EML6: variants seen among roughly 807,000 people sequenced by gnomAD.
EML6 encodes the protein EMAP like 6.
A neutral mutation model predicts 240.1 loss-of-function variants in EML6; 154 were observed. The ratio of observed to expected loss-of-function variants is 0.64; its 90% CI spans 0.56 to 0.73. The LOEUF is 0.73. EML6 is among the 30% of genes least tolerant of loss of function. The pLI, the probability that EML6 is intolerant of heterozygous loss-of-function variation, is 0.00. For synonymous variants in EML6, 1,148 were observed against 899.0 expected (o/e 1.28, Z -4.95); for missense variants, 2,964 against 2,474.6 (o/e 1.20, Z -4.20).
chr2:54,866,538 TAAGAA>T (rs1207244162), intron 13 of EML6, among the ~76,000 whole-genome samples: 1 of 152,194 alleles, frequency 6.6e-6, no homozygotes, highest in Non-Finnish European at 1.5e-5. Context: ...TTCTAGACAT[TAAGAA>T]AACAGTAACA....
At chr2:54,737,077 A>G (rs168507) in intron 2 of EML6, among the ~76,000 whole-genome samples, 51,782 of 152,036 alleles carry the variant, frequency 0.34, 9,100 homozygotes, top group East Asian at 0.57. Flanking sequence ...ACAATTGGTG[A>G]AATTTGAATG....
At chr2:54,790,756 C>A (rs755072200) in intron 2 of EML6, among the ~76,000 whole-genome samples, 1 of 134,908 alleles carries the variant, frequency 7.4e-6, no homozygotes, top group East Asian at 2.5e-4. Context: ...GACGGAGTTA[C>A]GCTCTGTCGC....
intron 39 of EML6, among the ~76,000 whole-genome samples, chr2:54,967,439 G>T (rs572353917): frequency 2.0e-5 from 3 of 152,182 alleles, no homozygotes; most frequent in African/African-American, 7.2e-5. Flanking sequence ...AAGGGAGTGG[G>T]AGGGCCAGAC....
chr2:54,854,861 T>C (rs1312109997), intron 11 of EML6, among the ~76,000 whole-genome samples: 1 of 152,230 alleles, frequency 6.6e-6, no homozygotes, highest in East Asian at 1.9e-4. Context: ...ATAGGGCATA[T>C]CTTGTTAGAT....
At chr2:54,804,013 G>A (rs896811695) in intron 2 of EML6, among the ~76,000 whole-genome samples, 2 of 152,226 alleles carry the variant, frequency 1.3e-5, no homozygotes, top group African/African-American at 4.8e-5. Flanking sequence ...TTGGTGTGGT[G>A]TAATATTAGG....
chr2:54,862,142 G>A (rs531710174), intron 12 of EML6, among the ~76,000 whole-genome samples: 2 of 151,816 alleles, frequency 1.3e-5, no homozygotes, highest in South Asian at 4.2e-4. Flanking sequence ...TTGAACACCA[G>A]CCTGGCCAAC....
intron 16 of EML6, among the ~76,000 whole-genome samples, chr2:54,877,413 T>G (rs1216938346): frequency 6.6e-6 from 1 of 152,174 alleles, no homozygotes; most frequent in East Asian, 1.9e-4. Context: ...AAAACTTGAT[T>G]AGTGTGATAC....
At chr2:54,929,128 T>TGG (rs1396727117) in intron 28 of EML6, among the ~76,000 whole-genome samples, 2 of 152,202 alleles carry the variant, frequency 1.3e-5, no homozygotes, top group African/African-American at 4.8e-5. Context: ...TCTGAGGTCA[T>TGG]GGAGGAATGG....
chr2:54,724,195 A>G lies in EML6; in HGVS notation c.-513-354A>G, dbSNP rs1682805822. Among the ~76,000 whole-genome samples the G allele has an allele frequency of 6.6e-6, 1 of 151,438 alleles. No homozygotes were observed. Among genetic ancestry groups the G allele is most frequent in the African/African-American group, 2.4e-5 (1 of 41,182 alleles). On this transcript the variant is annotated intron_variant, in intron 1 of 41. Transcript: ENST00000356458. This position sits in a 1 kb window ranked among gnomAD's most constrained non-coding sequence, Gnocchi z 5.2. ...CGGATTGGAGTTGCTGATCAATGAG[A>G]GCTGCTAAGTTCTTTATGGCTTTCT...
chr2:54,850,063 GC>G lies in EML6; in HGVS notation c.1292del (p.Pro431GlnfsTer2). On this transcript the variant is annotated frameshift_variant, in exon 10 of 42. Coordinates refer to ENST00000356458, the MANE Select transcript of EML6 (RefSeq NM_001039753.4). LOFTEE classifies it high-confidence loss of function. ...TACCTTGCAGTGGGATCCAATGATG[GC>G]CCAGTAGATGTCTATGCTGTTGCCC... ...GSYLAVGSND[G>X]PVDVYAVAQR... The G allele has an allele frequency of 6.4e-7, 1 of 1,552,076 alleles. No individual in the cohort carries two copies. Among genetic ancestry groups the G allele is most frequent in the Non-Finnish European group, 8.7e-7 (1 of 1,147,066 alleles).
intron 2 of EML6, among the ~76,000 whole-genome samples, chr2:54,792,119 G>A (rs1669486445): frequency 6.6e-6 from 1 of 152,140 alleles, no homozygotes; most frequent in Admixed American, 6.5e-5. Context: ...AGTAATAGAA[G>A]GGAGTATAAA....
intron 28 of EML6, among the ~76,000 whole-genome samples, chr2:54,947,071 G>A (rs547270357): frequency 2.2e-4 from 33 of 151,912 alleles, no homozygotes; most frequent in African/African-American, 6.5e-4. Flanking sequence ...CCCTGAAATC[G>A]AGCCCTGTGT....
rs1413780967 is a variant in EML6, at chr2:54,724,025, T to G, written c.-514+248T>G. On this transcript the variant is annotated intron_variant, in intron 1 of 41. Coordinates refer to ENST00000356458, the MANE Select transcript of EML6 (RefSeq NM_001039753.4). The surrounding 1 kb of genome is among the most constrained non-coding windows in gnomAD (Gnocchi z 5.2). ...CCGGGATTCCGTGGGACCCGGTGTT[T>G]AGCGCAGAGGTTTCTGGGGAGAAGT... 6.6e-6 allele frequency among the ~76,000 whole-genome samples: 1 copy of G among 152,196 alleles called. No individual in the cohort carries two copies. The highest frequency in any genetic ancestry group is 1.5e-5 in the Non-Finnish European group (1 of 68,026).
intron 11 of EML6, among the ~76,000 whole-genome samples, chr2:54,855,009 A>G (rs73935679): frequency 6.6e-6 from 1 of 152,330 alleles, no homozygotes; most frequent in African/African-American, 2.4e-5. Context: ...ACATAACTCG[A>G]TGATAATTGA....
chr2:54,945,543 C>T (rs925289118), intron 28 of EML6, among the ~76,000 whole-genome samples: 4 of 152,148 alleles, frequency 2.6e-5, no homozygotes, highest in African/African-American at 9.7e-5. Context: ...TGGTTTCTCA[C>T]AGGCTGTCCA....
At chr2:54,867,021 C>T in intron 14 of EML6, 137 bp downstream of exon 14, 3 of 543,622 alleles carry the variant, frequency 5.5e-6, no homozygotes, top group African/African-American at 1.9e-5. Flanking sequence ...GCAATGTGCA[C>T]TTGTACCTGT....
At position 54,850,164 on chromosome 2, in the gene EML6, A is replaced by G. The variant is rs1479348955; in HGVS notation, c.1390A>G (p.Lys464Glu). ...ITHIDWSLDSKYLQTNDGAGE... is the reference protein window; with the variant it reads ...ITHIDWSLDSEYLQTNDGAGE... Reference sequence around the variant, plus strand: ...GCATATTGACTGGTCCTTGGATAGTAAATACTTACAAACTAATGACGGTGC... The same window carrying G: ...GCATATTGACTGGTCCTTGGATAGTGAATACTTACAAACTAATGACGGTGC... Residue 464 changes from lysine to glutamate, a missense_variant, in exon 10 of 42, where the codon AAA becomes GAA. Transcript: ENST00000356458. 25 of 1,551,368 alleles carry G rather than the reference A, an allele frequency of 1.6e-5. No individual in the cohort carries two copies. Among genetic ancestry groups the G allele is most frequent in the Non-Finnish European group, 2.1e-5 (24 of 1,146,722 alleles).
chr2:54,838,575 G>T (rs1669275196), intron 7 of EML6, among the ~76,000 whole-genome samples: 1 of 152,190 alleles, frequency 6.6e-6, no homozygotes, highest in Non-Finnish European at 1.5e-5. Context: ...TCACAGACTA[G>T]ATCTCCCCAT....
chr2:54,821,619 G>C (rs879352188), intron 5 of EML6, among the ~76,000 whole-genome samples: 3 of 151,998 alleles, frequency 2.0e-5, no homozygotes, highest in African/African-American at 7.2e-5. Flanking sequence ...GAGGATATAT[G>C]TACCACTATT....
Sources: allele counts gnomAD v4.1 joint callset (sites outside exome capture counted in the v4.1 genomes callset), GRCh38; gene constraint gnomAD v4.1.1; non-coding constraint Gnocchi (gnomAD v3.1); transcripts MANE v1.5; gene names NCBI Gene and HGNC (gene_info 2026-07-23, HGNC 2026-07-21).